The following C6orf136 variants were observed in gnomAD, a reference collection of about 807,000 sequenced individuals.
The protein encoded by C6orf136 is chromosome 6 open reading frame 136.
C6orf136 carries 29 observed loss-of-function variants against 44.0 expected under a neutral mutation model. The observed-to-expected ratio is 0.66, with a 90% CI of 0.49 to 0.90. The LOEUF (loss-of-function observed/expected upper bound fraction) is 0.90. Ranked by LOEUF, C6orf136 falls within the 40% of genes least tolerant of loss-of-function variation. The probability of loss-of-function intolerance (pLI) is 0.00; values close to 1 mark genes in which losing one functional copy is unlikely to be tolerated. For synonymous variants in C6orf136, 293 were observed against 278.6 expected, an observed-to-expected ratio of 1.05 and a Z score of -0.52; for missense variants, 628 against 669.3, an observed-to-expected ratio of 0.94 and a Z score of 0.68.
At chr6:30,648,237 T>A (rs1221789900) in intron 1 of C6orf136, among the ~76,000 whole-genome samples, 1 of 152,182 alleles carries the variant, frequency 6.6e-6, no homozygotes, top group African/African-American at 2.4e-5. Flanking sequence ...AGCTGGATAT[T>A]CTTTTTTCTC....
rs774670424 is a variant in C6orf136, at chr6:30,652,956, GCC to G, written c.*43_*44del. ...TGGAGGCAGCACTGAAGACTGCTAC[GCC>G]CAAGAGAAGGAGGTGGAGGCAGCCA... On this transcript the variant is annotated 3_prime_UTR_variant, in exon 6 of 6. Transcript: ENST00000651131. The G allele has an allele frequency of 6.4e-7, 1 of 1,553,092 alleles. No individual in the cohort carries two copies. The highest frequency in any genetic ancestry group is 8.9e-7 in the Non-Finnish European group (1 of 1,127,412).
At chr6:30,650,795 C>A (rs547060989) in intron 2 of C6orf136, among the ~76,000 whole-genome samples, 199 bp from the exon 3 acceptor site, 8 of 148,376 alleles carry the variant, frequency 5.4e-5, no homozygotes, top group Non-Finnish European at 5.9e-5. Context: ...GCCTGTAATC[C>A]CAGCTACTCG....
In C6orf136 at chr6:30,652,802, C is replaced by T. The variant is rs1561960380; in HGVS notation, c.1378C>T (p.Leu460=). The T allele has an allele frequency of 6.2e-7, 1 of 1,612,930 alleles. No individual in the cohort carries two copies. The highest frequency in any genetic ancestry group is 2.2e-5 in the East Asian group (1 of 44,886). The stretch of plus-strand genomic sequence containing the variant: ...CTGGCATTAACCTTTCTCCCTGCAG[C>T]TGATGCCTTCACACTCACCTCCAAC... ...GLICRHRLDK[L]MPSHSPPTPV... Residue 460 remains leucine, a splice_region_variant and synonymous_variant, in exon 6 of 6, where the codon CTG becomes TTG. Transcript: ENST00000651131.
chr6:30,649,905 A>T lies in C6orf136; in HGVS notation c.963A>T (p.Gly321=), dbSNP rs1401115332. ...ACCCTTCCCCTGCCACCCCGTCAGG[A>T]GATCCTAGTATGGAGGAACATCTGT... is the stretch of plus-strand genomic sequence containing the variant. The part of the protein sequence containing the change: ...TAHPSPATPS[G]DPSMEEHLSV... The change falls in exon 2 of 6, where the codon GGA becomes GGT. Residue 321 remains glycine (G), a synonymous_variant. Coordinates refer to ENST00000651131, the MANE Select transcript of C6orf136 (RefSeq NM_001161376.2). 6.2e-7 allele frequency: 1 copy of T among 1,613,930 alleles called. No individual in the cohort carries two copies. Among genetic ancestry groups the T allele is most frequent in the Admixed American group, 1.7e-5 (1 of 60,004 alleles).
In C6orf136 at chr6:30,652,639, A is replaced by C; in HGVS notation, c.1308-9A>C. The C allele has an allele frequency of 5.0e-6, 8 of 1,612,608 alleles. No homozygotes were observed. The highest frequency in any genetic ancestry group is 6.8e-6 in the Non-Finnish European group (8 of 1,179,644). Reference sequence around the variant, plus strand: ...CTTCTCCCTCAGTAAGCCTCCCTCTATTCCCCAGGACCTATGATGCCTACT... The same window carrying C: ...CTTCTCCCTCAGTAAGCCTCCCTCTCTTCCCCAGGACCTATGATGCCTACT... On this transcript the variant is annotated splice_polypyrimidine_tract_variant and intron_variant, in intron 4 of 5. Coordinates refer to ENST00000651131, the MANE Select transcript of C6orf136 (RefSeq NM_001161376.2).
Position 30,649,674 on chromosome 6 carries a change from G to A in C6orf136, c.732G>A (p.Gln244=). ...WSPLPPRLPT[Q]RLPQVPPLPL... ...CCCTGCCCCCACGCCTTCCCACCCA[G>A]CGTCTTCCCCAGGTTCCCCCACTAC... Residue 244 remains glutamine, a synonymous_variant, in exon 2 of 6, where the codon CAG becomes CAA. Transcript: ENST00000651131. 1 of 1,608,638 alleles carries A rather than the reference G, an allele frequency of 6.2e-7. No individual in the cohort carries two copies. Among genetic ancestry groups the A allele is most frequent in the Non-Finnish European group, 8.5e-7 (1 of 1,178,370 alleles).
intron 1 of C6orf136, among the ~76,000 whole-genome samples, chr6:30,648,399 CTT>C (rs57790985): frequency 2.5e-4 from 34 of 135,246 alleles, no homozygotes; most frequent in Admixed American, 3.7e-4. Context: ...GTGTTGGAAT[CTT>C]TTTTTTTTTT....
At position 30,647,374 on chromosome 6, in the gene C6orf136, C is replaced by G. The variant is rs747516318; in HGVS notation, c.143C>G (p.Ala48Gly). ...ERPSSKPVRG[A>G]ERALGSAQAQ... ...CCCTCCTCAAAGCCGGTGCGTGGGG[C>G]GGAGCGCGCGCTGGGTTCCGCGCAG... The change falls in exon 1 of 6, where the codon GCG (alanine) becomes GGG (glycine). Residue 48 changes from alanine (A) to glycine (G), a missense_variant. By Grantham distance (60) the Ala-to-Gly change is moderately conservative. This residue lies in a region of C6orf136 where 497 missense variants were observed against 469.2 expected (regional missense o/e 1.06). Coordinates refer to ENST00000651131, the MANE Select transcript of C6orf136 (RefSeq NM_001161376.2). The surrounding 1 kb of genome is among the most constrained non-coding windows in gnomAD (Gnocchi z 4.8). The G allele has an allele frequency of 6.0e-6, 9 of 1,500,034 alleles. No individual in the cohort carries two copies. Among genetic ancestry groups the G allele is most frequent in the Non-Finnish European group, 8.0e-6 (9 of 1,126,970 alleles). 92.9% of individuals were successfully genotyped at this position (1,500,034 alleles called of 1,614,324 possible).
At chr6:30,649,530 C>G (rs370354189) in intron 1 of C6orf136, 28 bp from the exon 2 acceptor site, 4 of 1,564,686 alleles carry the variant, frequency 2.6e-6, no homozygotes, top group Middle Eastern at 3.4e-4. Flanking sequence ...GGATTCTTAT[C>G]TTTCTCCCTT....
intron 2 of C6orf136, among the ~76,000 whole-genome samples, 166 bp from the exon 3 acceptor site, chr6:30,650,828 C>T (rs1767339338): frequency 6.6e-6 from 1 of 150,472 alleles, no homozygotes; most frequent in African/African-American, 2.5e-5. Context: ...AGGAGAATCG[C>T]TTGAACCTAG....
chr6:30,652,910 C>A lies in C6orf136; in HGVS notation c.1486C>A (p.Pro496Thr), dbSNP rs1767578480. 2 of 1,612,104 alleles carry A rather than the reference C, an allele frequency of 1.2e-6. No individual in the cohort carries two copies. The highest frequency in any genetic ancestry group is 3.3e-5 in the Admixed American group (2 of 59,992). The change falls in exon 6 of 6, where the codon CCC becomes ACC. Residue 496 changes from proline (P) to threonine (T), a missense_variant. Physicochemically the swap from Pro to Thr is conservative, Grantham distance 38 (BLOSUM62 -1). Transcript: ENST00000651131. ...PEPDLNLCSK[P>T] ...ACCTGACTTAAACCTGTGTTCCAAGCCCTGATCCTTGACCTTGGAGTGGAG... is the reference window on the plus strand; with the variant it reads ...ACCTGACTTAAACCTGTGTTCCAAGACCTGATCCTTGACCTTGGAGTGGAG...
intron 2 of C6orf136, 67 bp from the exon 3 acceptor site, chr6:30,650,926 AT>A: frequency 7.7e-7 from 1 of 1,306,898 alleles, no homozygotes; most frequent in Non-Finnish European, 1.1e-6. Flanking sequence ...AAAAAAAAAA[AT>A]TAGAAAACTG....
chr6:30,653,057 C>T lies in C6orf136; in HGVS notation c.*142C>T, dbSNP rs142682747. The T allele has an allele frequency of 2.8e-4, 297 of 1,050,298 alleles. 1 individual carries two copies. The African/African-American group carries it at 4.1e-3, about 14-fold the overall frequency. The allele number at this position is 1,050,298 out of a possible 1,614,324, so 65.1% of individuals were successfully genotyped here. A position where few individuals can be genotyped will look rare whatever the true frequency, so the allele number is the denominator to read the frequency against. On this transcript the variant is annotated 3_prime_UTR_variant, in exon 6 of 6. Transcript: ENST00000651131. ...TTCCATCTCATGCTGTGTAAAGCTG[C>T]TGTGTAATTTAACTTGTAAATAATA...
rs376179544 is a variant in C6orf136, at chr6:30,650,307, T to C, written c.1017+348T>C. On this transcript the variant is annotated intron_variant, in intron 2 of 5. Coordinates refer to ENST00000651131, the MANE Select transcript of C6orf136 (RefSeq NM_001161376.2). ...TACTCAGGAGGCTGAGGCAGGAGAA[T>C]CGCTTGAACCCAGGAGGCGCAGTGA... Among the ~76,000 whole-genome samples, 11 of 150,106 alleles carry C rather than the reference T, an allele frequency of 7.3e-5. 1 individual carries two copies. In the South Asian group the frequency reaches 2.1e-3, roughly 29 times the overall value.
At position 30,647,929 on chromosome 6, in the gene C6orf136, C is replaced by A; in HGVS notation, c.615+83C>A. On this transcript the variant is annotated intron_variant, in intron 1 of 5. Coordinates refer to ENST00000651131, the MANE Select transcript of C6orf136 (RefSeq NM_001161376.2). This position sits in a 1 kb window ranked among gnomAD's most constrained non-coding sequence, Gnocchi z 4.8. ...TGGGAGCGGAGGGACTCGGGTGAGGCCTAACTTTGGGTGACCTCCCCTTGC... is the reference window on the plus strand; with the variant it reads ...TGGGAGCGGAGGGACTCGGGTGAGGACTAACTTTGGGTGACCTCCCCTTGC... 2.8e-6 allele frequency: 4 copies of A among 1,418,150 alleles called. No homozygotes were observed. The highest frequency in any genetic ancestry group is 3.7e-6 in the Non-Finnish European group (4 of 1,090,534). 87.8% of individuals were successfully genotyped at this position (1,418,150 alleles called of 1,614,324 possible). A position where few individuals can be genotyped will look rare whatever the true frequency, so the allele number is the denominator to read the frequency against.
rs750506180 is a variant in C6orf136 at position 30,649,749 on chromosome 6, A to G, written c.807A>G (p.Pro269=). The change falls in exon 2 of 6, where the codon CCA becomes CCG. Residue 269 remains proline, a synonymous_variant. Coordinates refer to ENST00000651131, the MANE Select transcript of C6orf136 (RefSeq NM_001161376.2). Reference sequence around the variant, plus strand: ...GCTCAGCATGGGTGGTTCTCCCTCCAGGAAAGGGGGAGGAGGGACCAGGAC... The same window carrying G: ...GCTCAGCATGGGTGGTTCTCCCTCCGGGAAAGGGGGAGGAGGGACCAGGAC... The part of the protein sequence containing the change: ...ALSSAWVVLP[P]GKGEEGPGPE... 8 of 1,613,756 alleles carry G rather than the reference A, an allele frequency of 5.0e-6. No homozygotes were observed. Among genetic ancestry groups the G allele is most frequent in the Non-Finnish European group, 2.5e-6 (3 of 1,179,900 alleles).
rs771615967 is a variant in C6orf136 at position 30,651,021 on chromosome 6, G to A, written c.1045G>A (p.Asp349Asn). Reference protein sequence around the residue: ...ELPKLFLQSHDYSLYSLDVEF... With the variant: ...ELPKLFLQSHNYSLYSLDVEF... Reference sequence around the variant, plus strand: ...TCCCAAGCTCTTCCTTCAGTCCCACGACTACAGTCTGTATTCCTTGGATGT... The same window carrying A: ...TCCCAAGCTCTTCCTTCAGTCCCACAACTACAGTCTGTATTCCTTGGATGT... The change falls in exon 3 of 6, where the codon GAC (aspartate) becomes AAC (asparagine). Residue 349 changes from aspartate to asparagine, a missense_variant. By Grantham distance (23) the Asp-to-Asn change is conservative. This residue lies in a region of C6orf136 where 131 missense variants were observed against 200.1 expected (regional missense o/e 0.65). Transcript: ENST00000651131. 2.5e-6 allele frequency: 4 copies of A among 1,613,790 alleles called. No individual in the cohort carries two copies. Among genetic ancestry groups the A allele is most frequent in the African/African-American group, 2.7e-5 (2 of 74,836 alleles).
chr6:30,651,707 G>C lies in C6orf136; in HGVS notation c.1307+241G>C, dbSNP rs567868103. On this transcript the variant is annotated intron_variant, in intron 4 of 5. Transcript: ENST00000651131. ...TTTAGTAGACAGAGGGTTTCACCAT[G>C]TTGGCCAGGCTGGTCTCGAACTCCT... Among the ~76,000 whole-genome samples, 133 of 152,098 alleles carry C rather than the reference G, an allele frequency of 8.7e-4. 2 individuals carry two copies. Among genetic ancestry groups the C allele is most frequent in the Middle Eastern group, 3.4e-3 (1 of 294 alleles).
chr6:30,651,378 A>G lies in C6orf136; in HGVS notation c.1219A>G (p.Thr407Ala). The change falls in exon 4 of 6, where the codon ACC (threonine) becomes GCC (alanine). Residue 407 changes from threonine (T) to alanine (A), a missense_variant. Around this residue, in one of 2 missense-constraint regions of C6orf136, gnomAD observed 131 missense variants for 200.1 expected, o/e 0.65. Coordinates refer to ENST00000651131, the MANE Select transcript of C6orf136 (RefSeq NM_001161376.2). ...LQLTRHPENW[T>A]LQARWRLVGL... is the part of the protein sequence containing the mutation. Reference sequence around the variant, plus strand: ...GCTGACCCGCCACCCTGAGAACTGGACCCTGCAAGCCCGGTGGCGGCTTGT... The same window carrying G: ...GCTGACCCGCCACCCTGAGAACTGGGCCCTGCAAGCCCGGTGGCGGCTTGT... 1 of 1,613,644 alleles carries G rather than the reference A, an allele frequency of 6.2e-7. No individual in the cohort carries two copies. Among genetic ancestry groups the G allele is most frequent in the Admixed American group, 1.7e-5 (1 of 59,996 alleles).
Sources: allele counts gnomAD v4.1 joint callset (sites outside exome capture counted in the v4.1 genomes callset), GRCh38; gene constraint gnomAD v4.1.1; regional missense constraint gnomAD v4.1.1; non-coding constraint Gnocchi (gnomAD v3.1); transcripts MANE v1.5; gene names NCBI Gene and HGNC (gene_info 2026-07-23, HGNC 2026-07-21).